PPT1: variants seen among roughly 807,000 people sequenced by gnomAD.
PPT1 encodes the protein ceroid-palmitoyl-palmitoyl-protein thioesterase 1.
PPT1 carries 24 observed loss-of-function variants against 44.0 expected under a neutral mutation model. The observed-to-expected ratio is 0.54, with a 90% CI of 0.39 to 0.77. The LOEUF (loss-of-function observed/expected upper bound fraction) is 0.77, where lower values mean the gene tolerates loss of function less well. PPT1 is among the 30% of genes least tolerant of loss of function. The probability of loss-of-function intolerance (pLI) is 0.00; values close to 1 mark genes in which losing one functional copy is unlikely to be tolerated. For synonymous variants in PPT1, 148 were observed against 140.2 expected, an observed-to-expected ratio of 1.06 and a Z score of -0.39; for missense variants, 341 against 378.8, an observed-to-expected ratio of 0.90 and a Z score of 0.83.
chr1:40,074,169 T>C lies in PPT1; in HGVS notation c.813A>G (p.Leu271=), dbSNP rs2124465658. ...GCTGTCCTGCATTGTCCATTTCCTT[T>C]AGCCCCAGGCGGTCCTGCAGAAGGA... ...TSLYTQDRLG[L]KEMDNAGQLV... Residue 271 remains leucine (L), a synonymous_variant, in exon 9 of 9, where the codon CTA becomes CTG. Transcript: ENST00000642050. 1.9e-6 allele frequency: 3 copies of C among 1,614,198 alleles called. No individual in the cohort carries two copies. The South Asian group carries it at 3.3e-5, about 18-fold the overall frequency.
rs386833664 is a variant in PPT1, at chr1:40,076,915, T to A, written c.727-2A>T. The A allele has an allele frequency of 1.9e-6, 3 of 1,614,104 alleles. No homozygotes were observed. Among genetic ancestry groups the A allele is most frequent in the Non-Finnish European group, 2.5e-6 (3 of 1,179,984 alleles). Reference sequence around the variant, plus strand: ...GCCACTTCTGTAAAATCCAAACCACTGCAGAAGAAGCAAAGGAAAGAAGCT... The same window carrying A: ...GCCACTTCTGTAAAATCCAAACCACAGCAGAAGAAGCAAAGGAAAGAAGCT... On this transcript the variant is annotated splice_acceptor_variant, in intron 7 of 8. Transcript: ENST00000642050. LOFTEE classifies it high-confidence loss of function.
intron 7 of PPT1, among the ~76,000 whole-genome samples, chr1:40,078,220 C>A (rs757004498): frequency 6.6e-6 from 1 of 152,120 alleles, no homozygotes; most frequent in Non-Finnish European, 1.5e-5. Flanking sequence ...CTTTTTGAGA[C>A]AGAGTCTCGC....
Position 40,086,185 on chromosome 1 carries a change from G to A in PPT1, c.536+3225C>T, listed in dbSNP as rs72937455. On this transcript the variant is annotated intron_variant, in intron 5 of 8. Coordinates refer to ENST00000642050, the MANE Select transcript of PPT1 (RefSeq NM_000310.4). ...GGGGAAGACGGAGGCCAAGGCCAGG[G>A]CAACACTGAAGCATTCATTGTGGCA... Among the ~76,000 whole-genome samples the A allele has an allele frequency of 9.1e-3, 1,379 of 152,326 alleles. 20 individuals carry two copies. The highest frequency in any genetic ancestry group is 0.032 in the African/African-American group (1,320 of 41,564).
downstream of PPT1, chr1:40,072,011 A>G (rs1648132114): frequency 2.5e-6 from 1 of 407,180 alleles, no homozygotes; most frequent in Non-Finnish European, 4.3e-6. Context: ...AAGCGAGGCA[A>G]GGGTTGCACT....
intron 5 of PPT1, among the ~76,000 whole-genome samples, chr1:40,083,440 G>A (rs3131655): frequency 0.55 from 84,254 of 151,958 alleles, 25,386 homozygotes; most frequent in Non-Finnish European, 0.68. Flanking sequence ...GGGCAAGAGA[G>A]CACAACCCTG....
Position 40,097,180 on chromosome 1 carries a change from G to A in PPT1, c.59C>T (p.Ala20Val), listed in dbSNP as rs1187613034. Residue 20 changes from alanine to valine, a missense_variant, in exon 1 of 9, where the codon GCT (alanine) becomes GTT (valine). Coordinates refer to ENST00000642050, the MANE Select transcript of PPT1 (RefSeq NM_000310.4). ...GTCCAGATGCTGCAGCGCCCGAGAA[G>A]CGCAGGTCCATGGCAGGAGAGCCAC... ...LAVALLPWTCASRALQHLDPP... is the reference protein window; with the variant it reads ...LAVALLPWTCVSRALQHLDPP... The A allele has an allele frequency of 6.2e-7, 1 of 1,614,136 alleles. No homozygotes were observed. Among genetic ancestry groups the A allele is most frequent in the Admixed American group, 1.7e-5 (1 of 60,026 alleles).
rs1557706105 is a variant in PPT1, at chr1:40,075,917, C to T, written c.798+925G>A. On this transcript the variant is annotated intron_variant, in intron 8 of 8. Coordinates refer to ENST00000642050, the MANE Select transcript of PPT1 (RefSeq NM_000310.4). ...TGGAGGCTGCAGTGAGCTGAGATCACACCATTGCACTCCAGCCTGGGTGAC... is the reference window on the plus strand; with the variant it reads ...TGGAGGCTGCAGTGAGCTGAGATCATACCATTGCACTCCAGCCTGGGTGAC... Among the ~76,000 whole-genome samples the T allele has an allele frequency of 3.4e-5, 4 of 116,214 alleles. No homozygotes were observed. The South Asian group carries it at 1.2e-3, about 34-fold the overall frequency. 76.2% of individuals were successfully genotyped at this position (116,214 alleles called of 152,430 possible).
At chr1:40,090,842 C>T (rs1340893801) in intron 4 of PPT1, among the ~76,000 whole-genome samples, 1 of 54,788 alleles carries the variant, frequency 1.8e-5, no homozygotes, top group Admixed American at 1.8e-4. Context: ...TAGCTATACC[C>T]ATCAACAACA....
intron 8 of PPT1, 123 bp from the exon 9 acceptor site, chr1:40,074,306 G>C (rs1234606446): frequency 7.9e-7 from 1 of 1,260,116 alleles, no homozygotes; most frequent in East Asian, 2.4e-5. Context: ...AAATTGAGGT[G>C]TATTTTCAAA....
At chr1:40,076,714 G>A (rs1233833256) in intron 8 of PPT1, 128 bp downstream of exon 8, 2 of 1,572,216 alleles carry the variant, frequency 1.3e-6, no homozygotes, top group Admixed American at 1.8e-5. Context: ...ACATGAGTCA[G>A]GTGTTTCAGG....
At chr1:40,087,193 T>A (rs1649305929) in intron 5 of PPT1, among the ~76,000 whole-genome samples, 1 of 152,010 alleles carries the variant, frequency 6.6e-6, no homozygotes, top group Non-Finnish European at 1.5e-5. Flanking sequence ...AATTAAAGTT[T>A]AAGGAGGAAG....
chr1:40,088,835 C>T (rs1328707216), intron 5 of PPT1, among the ~76,000 whole-genome samples: 1 of 152,134 alleles, frequency 6.6e-6, no homozygotes, highest in Non-Finnish European at 1.5e-5. Flanking sequence ...TTTCTAAAGG[C>T]TTTCTGTTTG....
chr1:40,094,200 G>A (rs981538551), intron 1 of PPT1, among the ~76,000 whole-genome samples: 6 of 152,110 alleles, frequency 3.9e-5, no homozygotes, highest in Non-Finnish European at 5.9e-5. Flanking sequence ...CTAGGACAGC[G>A]GTCTTCAACC....
chr1:40,071,561 CCCTT>C, downstream of PPT1: 1 of 1,371,956 alleles, frequency 7.3e-7, no homozygotes, highest in Non-Finnish European at 1.0e-6. Context: ...TCTTTGCCCT[CCCTT>C]CACACCATGG....
In PPT1 at chr1:40,097,147, G is replaced by A; in HGVS notation, c.92C>T (p.Ala31Val). ...SRALQHLDPPAPLPLVIWHGM... is the reference protein window; with the variant it reads ...SRALQHLDPPVPLPLVIWHGM... ...ATGCCAGATCACCAACGGCAGCGGC[G>A]CCGGCGGGTCCAGATGCTGCAGCGC... The change falls in exon 1 of 9, where the codon GCG becomes GTG. Residue 31 changes from alanine to valine, a missense_variant. Transcript: ENST00000642050. 6.2e-7 allele frequency: 1 copy of A among 1,614,110 alleles called. No homozygotes were observed. Among genetic ancestry groups the A allele is most frequent in the Non-Finnish European group, 8.5e-7 (1 of 1,179,980 alleles).
At chr1:40,092,302 G>T (rs543900759) in intron 2 of PPT1, 96 bp downstream of exon 2, 2 of 1,525,456 alleles carry the variant, frequency 1.3e-6, no homozygotes, top group South Asian at 2.2e-5. Context: ...ATCACTGTAT[G>T]ATCTGCTGCT....
At chr1:40,079,745 T>C (rs571737997) in intron 6 of PPT1, among the ~76,000 whole-genome samples, 53 of 152,216 alleles carry the variant, frequency 3.5e-4, no homozygotes, top group Non-Finnish European at 6.9e-4. Context: ...CCACTGAGCA[T>C]GGCATACAGG....
intron 1 of PPT1, among the ~76,000 whole-genome samples, chr1:40,092,848 TTAATA>T (rs1490484062): frequency 1.3e-5 from 2 of 152,334 alleles, no homozygotes; most frequent in Non-Finnish European, 2.9e-5. Flanking sequence ...TAGGATGTCT[TTAATA>T]ATAATTTTTT....
At chr1:40,084,647 A>C (rs1570461712) in intron 5 of PPT1, among the ~76,000 whole-genome samples, 1 of 152,352 alleles carries the variant, frequency 6.6e-6, no homozygotes, top group East Asian at 1.9e-4. Context: ...AAAATATATA[A>C]AACAACAAGA....
Sources: gnomAD v4.1 joint callset for allele counts (sites outside exome capture counted in the v4.1 genomes callset) on GRCh38, gnomAD v4.1.1 for gene constraint, MANE v1.5 for transcripts, NCBI Gene and HGNC (gene_info 2026-07-23, HGNC 2026-07-21) for gene names.